Variants in ASAP1 observed in about 807,000 individuals in gnomAD.
The protein encoded by ASAP1 is ArfGAP with SH3 domain, ankyrin repeat and PH domain 1.
ASAP1 carries 43 observed loss-of-function variants against 145.2 expected under a neutral mutation model. The observed-to-expected ratio is 0.30, with a 90% confidence interval of 0.23 to 0.38. The LOEUF (loss-of-function observed/expected upper bound fraction) is 0.38, where lower values mean the gene tolerates loss of function less well. Ranked by LOEUF, ASAP1 falls within the 10% of genes least tolerant of loss-of-function variation. The probability of loss-of-function intolerance (pLI) is 1.00; values close to 1 mark genes in which losing one functional copy is unlikely to be tolerated. For missense variants in ASAP1, 1,018 were observed against 1,355.3 expected, an observed-to-expected ratio of 0.75 and a Z score of 3.91; for synonymous variants, 546 against 515.5, an observed-to-expected ratio of 1.06 and a Z score of -0.80.
intron 1 of ASAP1, among the ~76,000 whole-genome samples, chr8:130,412,609 A>G (rs758069855): frequency 1.3e-5 from 2 of 151,720 alleles, no homozygotes; most frequent in Non-Finnish European, 2.9e-5. Context: ...TGCAAGAATG[A>G]CCTAATACGA....
intron 3 of ASAP1, among the ~76,000 whole-genome samples, chr8:130,345,523 T>G (rs76054574): frequency 0.02 from 3,074 of 152,246 alleles, 49 homozygotes; most frequent in East Asian, 0.064. Flanking sequence ...TTACTTGCAC[T>G]TTGCAGCTAA....
chr8:130,413,978 T>C (rs1294193210), intron 1 of ASAP1, among the ~76,000 whole-genome samples: 1 of 152,250 alleles, frequency 6.6e-6, no homozygotes, highest in Non-Finnish European at 1.5e-5. Context: ...CATTTTCCTC[T>C]GCTGTAAGGC....
intron 24 of ASAP1, among the ~76,000 whole-genome samples, chr8:130,101,535 T>TG (rs1455558484): frequency 6.6e-6 from 1 of 151,892 alleles, no homozygotes; most frequent in Non-Finnish European, 1.5e-5. Context: ...TTTAGTTTTT[T>TG]GGGGGGTAGC....
intron 3 of ASAP1, among the ~76,000 whole-genome samples, chr8:130,271,882 T>C (rs114298461): frequency 0.019 from 2,886 of 152,278 alleles, 104 homozygotes; most frequent in African/African-American, 0.065. Flanking sequence ...ATTTTGTTAT[T>C]TTTATAATGT....
At chr8:130,093,666 CAAAAA>C (rs71572317) in intron 24 of ASAP1, among the ~76,000 whole-genome samples, 1,692 of 52,170 alleles carry the variant, frequency 0.032, 18 homozygotes, top group Middle Eastern at 0.13. Flanking sequence ...GACTCCGTCT[CAAAAA>C]AAAAAAAAAA....
chr8:130,102,960 G>T (rs1214895724), intron 24 of ASAP1, among the ~76,000 whole-genome samples: 1 of 151,268 alleles, frequency 6.6e-6, no homozygotes. Flanking sequence ...CAAAGCATTG[G>T]GATTACAGGC....
chr8:130,415,529 T>G (rs1317263355), intron 1 of ASAP1, among the ~76,000 whole-genome samples: 3 of 152,138 alleles, frequency 2.0e-5, no homozygotes, highest in Non-Finnish European at 2.9e-5. Flanking sequence ...GGCTCAAGCC[T>G]GTAATCCCAG....
At chr8:130,139,891 A>G (rs2097605737) in intron 13 of ASAP1, among the ~76,000 whole-genome samples, 1 of 150,928 alleles carries the variant, frequency 6.6e-6, no homozygotes, top group Non-Finnish European at 1.5e-5. Context: ...CAATCTTACC[A>G]ACAGATACAA....
rs1819892113 is a variant in ASAP1, at chr8:130,261,466, A to T, written c.187-24472T>A. Among the ~76,000 whole-genome samples the T allele has an allele frequency of 1.3e-5, 2 of 152,068 alleles. 1 individual carries two copies. Among genetic ancestry groups the T allele is most frequent in the South Asian group, 4.1e-4 (2 of 4,822 alleles). ...AGGTTTGAAAAGGACTAGAAGGGAG[A>T]TGTAGGGTGGTGGGAGGCTCGGAAA... On this transcript the variant is annotated intron_variant, in intron 3 of 29. Transcript: ENST00000518721.
At chr8:130,405,714 T>C (rs1346492828) in intron 1 of ASAP1, among the ~76,000 whole-genome samples, 1 of 152,206 alleles carries the variant, frequency 6.6e-6, no homozygotes, top group Admixed American at 6.5e-5. Context: ...CAGTTCACAT[T>C]CTGCTGCCTT....
chr8:130,318,718 C>T (rs1482353013), intron 3 of ASAP1, among the ~76,000 whole-genome samples: 6 of 152,184 alleles, frequency 3.9e-5, no homozygotes, highest in Non-Finnish European at 7.4e-5. Flanking sequence ...AAAACTACTA[C>T]GTGATAGAGT....
At chr8:130,440,234 A>T (rs1468511831) in intron 1 of ASAP1, among the ~76,000 whole-genome samples, 1 of 152,148 alleles carries the variant, frequency 6.6e-6, no homozygotes, top group Non-Finnish European at 1.5e-5. Flanking sequence ...CACTTTTCAT[A>T]AAAGCAGTCA....
At chr8:130,298,632 C>T (rs1822434590) in intron 3 of ASAP1, among the ~76,000 whole-genome samples, 1 of 152,210 alleles carries the variant, frequency 6.6e-6, no homozygotes, top group African/African-American at 2.4e-5. Context: ...GATAAGCCCC[C>T]CATCTTTCCA....
intron 5 of ASAP1, among the ~76,000 whole-genome samples, chr8:130,193,650 T>G (rs1177582250): frequency 6.6e-6 from 1 of 152,210 alleles, no homozygotes. Flanking sequence ...ACGGTTTGCA[T>G]CAATGCCTCA....
Position 130,214,624 on chromosome 8 carries a change from C to T in ASAP1, c.337G>A (p.Asp113Asn), listed in dbSNP as rs201186844. 8 of 1,612,782 alleles carry T rather than the reference C, an allele frequency of 5.0e-6. No homozygotes were observed. The highest frequency in any genetic ancestry group is 4.0e-5 in the African/African-American group (3 of 74,942). The change falls in exon 5 of 30, where the codon GAC becomes AAC. Residue 113 changes from aspartate to asparagine, a missense_variant. By Grantham distance (23) the Asp-to-Asn change is conservative. This residue lies in a region of ASAP1 where 78 missense variants were observed against 161.0 expected (regional missense o/e 0.48). Transcript: ENST00000518721. ...AACTTGACAAACGCGGTGCCAAGGT[C>T]GGGGTTGTCTCGACTTAAAAAATTA... is the stretch of plus-strand genomic sequence containing the variant. ...GSNFLSRDNP[D>N]LGTAFVKFST...
At chr8:130,430,116 C>G (rs1047568639) in intron 1 of ASAP1, among the ~76,000 whole-genome samples, 6 of 152,178 alleles carry the variant, frequency 3.9e-5, no homozygotes, top group Non-Finnish European at 2.9e-5. Flanking sequence ...TCCTTCTGGA[C>G]CTCAAAGACA....
At chr8:130,103,937 C>T (rs1243308583) in intron 24 of ASAP1, among the ~76,000 whole-genome samples, 1 of 152,206 alleles carries the variant, frequency 6.6e-6, no homozygotes, top group Non-Finnish European at 1.5e-5. Flanking sequence ...AATGTAACTT[C>T]ATCCAGAATC....
At chr8:130,278,569 C>A (rs1031055794) in intron 3 of ASAP1, among the ~76,000 whole-genome samples, 2 of 152,086 alleles carry the variant, frequency 1.3e-5, no homozygotes, top group African/African-American at 4.8e-5. Flanking sequence ...TGCAAATAAG[C>A]CTTTCTCTTT....
chr8:130,097,630 C>T (rs2097521329), intron 24 of ASAP1, among the ~76,000 whole-genome samples: 1 of 152,192 alleles, frequency 6.6e-6, no homozygotes, highest in Admixed American at 6.5e-5. Context: ...GGAAGTGCAC[C>T]CAGGCAGTGT....
Sources: gnomAD v4.1 joint callset for allele counts (sites outside exome capture counted in the v4.1 genomes callset) on GRCh38, gnomAD v4.1.1 for gene constraint, gnomAD v4.1.1 regional missense constraint, MANE v1.5 for transcripts, NCBI Gene and HGNC (gene_info 2026-07-23, HGNC 2026-07-21) for gene names.